The following UNC13C variants were observed in gnomAD, a reference collection of about 807,000 sequenced individuals.
UNC13C encodes the protein protein unc-13 homolog C.
In UNC13C, 174 loss-of-function variants were observed where a neutral mutation model predicts 245.4. That is an observed-to-expected ratio of 0.71 (90% confidence interval 0.63 to 0.80). The LOEUF is 0.80. UNC13C is among the 30% of genes least tolerant of loss of function. The pLI, the probability that UNC13C is intolerant of heterozygous loss-of-function variation, is 0.00. For synonymous variants in UNC13C, 992 were observed against 895.1 expected, an observed-to-expected ratio of 1.11 and a Z score of -1.93; for missense variants, 2,829 against 2,602.9, an observed-to-expected ratio of 1.09 and a Z score of -1.89.
chr15:53,971,273 C>T, the UNC13C span, among the ~76,000 whole-genome samples: 4 of 152,102 alleles, frequency 2.6e-5, no homozygotes, highest in Non-Finnish European at 5.9e-5. Flanking sequence ...TGGATGCTTA[C>T]GTTACACCAT....
At chr15:53,867,150 G>A in the UNC13C span, among the ~76,000 whole-genome samples, 7 of 152,176 alleles carry the variant, frequency 4.6e-5, no homozygotes, top group Admixed American at 3.9e-4. Context: ...AACAATAGAG[G>A]AATTTCCAGT....
chr15:54,152,851 TAGAG>T (rs1026098856), intron 4 of UNC13C, among the ~76,000 whole-genome samples: 61 of 151,762 alleles, frequency 4.0e-4, no homozygotes, highest in African/African-American at 1.3e-3. Context: ...ATAAAAGTCT[TAGAG>T]AGAAAAAAAA....
chr15:54,488,983 G>T (rs1395660121), intron 19 of UNC13C, among the ~76,000 whole-genome samples: 1 of 152,128 alleles, frequency 6.6e-6, no homozygotes, highest in Non-Finnish European at 1.5e-5. Flanking sequence ...CTAAGCAGAA[G>T]ATAATTTGAG....
intron 30 of UNC13C, among the ~76,000 whole-genome samples, chr15:54,606,586 G>A (rs1339964805): frequency 2.6e-5 from 4 of 152,178 alleles, no homozygotes; most frequent in African/African-American, 7.2e-5. Flanking sequence ...AACCACCAGT[G>A]TTTGACGATT....
intron 19 of UNC13C, among the ~76,000 whole-genome samples, chr15:54,437,794 T>C (rs540302700): frequency 6.6e-6 from 1 of 152,050 alleles, no homozygotes; most frequent in African/African-American, 2.4e-5. Flanking sequence ...CCAGTATGGT[T>C]TCTCCTATAC....
intron 20 of UNC13C, among the ~76,000 whole-genome samples, chr15:54,496,246 G>A (rs1893944106): frequency 6.6e-6 from 1 of 151,944 alleles, no homozygotes; most frequent in African/African-American, 2.4e-5. Context: ...TAGTCTTTAT[G>A]TTAAATAAAG....
intron 10 of UNC13C, among the ~76,000 whole-genome samples, chr15:54,269,988 C>T (rs2036643790): frequency 6.6e-6 from 1 of 152,150 alleles, no homozygotes; most frequent in Admixed American, 6.5e-5. Flanking sequence ...TGAAGCTACA[C>T]TTGTAATTCT....
At chr15:54,022,544 T>C (rs904797990) in intron 2 of UNC13C, among the ~76,000 whole-genome samples, 2 of 152,216 alleles carry the variant, frequency 1.3e-5, no homozygotes, top group African/African-American at 2.4e-5. Context: ...TTTACATCTA[T>C]CCTTTTGATA....
At position 54,424,620 on chromosome 15, in the gene UNC13C, C is replaced by T. The variant is rs115827483; in HGVS notation, c.4933+9553C>T. On this transcript the variant is annotated intron_variant, in intron 19 of 32. Transcript: ENST00000260323. ...AACATTCACATGTGTGTTATGCTAT[C>T]AAGAGAATACCTGTAAATGGTTTGT... Among the ~76,000 whole-genome samples the T allele has an allele frequency of 8.8e-3, 1,330 of 151,894 alleles. 27 individuals carry two copies. The highest frequency in any genetic ancestry group is 0.031 in the African/African-American group (1,302 of 41,460).
chr15:53,838,160 G>A, the UNC13C span, among the ~76,000 whole-genome samples: 2 of 151,994 alleles, frequency 1.3e-5, no homozygotes, highest in African/African-American at 4.8e-5. Flanking sequence ...AAATTTATGA[G>A]TCAATTTGGG....
At chr15:53,966,093 G>T in the UNC13C span, among the ~76,000 whole-genome samples, 2 of 152,046 alleles carry the variant, frequency 1.3e-5, no homozygotes, top group Non-Finnish European at 2.9e-5. Flanking sequence ...AAATGTATTT[G>T]TTAAAGAAAT....
intron 1 of UNC13C, among the ~76,000 whole-genome samples, 181 bp from the exon 2 acceptor site, chr15:54,012,467 G>C (rs971369181): frequency 4.6e-5 from 7 of 152,080 alleles, no homozygotes; most frequent in East Asian, 3.9e-4. Flanking sequence ...CATAGTTATT[G>C]GTAGTGATTT....
chr15:53,873,927 C>T, the UNC13C span, among the ~76,000 whole-genome samples: 88 of 88,766 alleles, frequency 9.9e-4, no homozygotes, highest in African/African-American at 5.2e-3. Flanking sequence ...TTCCTTTCTT[C>T]CTTCCTTCCT....
chr15:54,237,316 T>C (rs1405096493), intron 6 of UNC13C, among the ~76,000 whole-genome samples: 1 of 152,160 alleles, frequency 6.6e-6, no homozygotes, highest in Non-Finnish European at 1.5e-5. Context: ...AGAAGCCTCT[T>C]GCTAGCCTGA....
chr15:54,231,951 G>A (rs2035565257), intron 4 of UNC13C, among the ~76,000 whole-genome samples: 1 of 152,082 alleles, frequency 6.6e-6, no homozygotes, highest in Non-Finnish European at 1.5e-5. Context: ...ACTAGTTTGT[G>A]TTACTTAATC....
At chr15:54,189,589 G>T (rs1211229728) in intron 4 of UNC13C, among the ~76,000 whole-genome samples, 1 of 152,028 alleles carries the variant, frequency 6.6e-6, no homozygotes, top group Admixed American at 6.6e-5. Flanking sequence ...TAGATATTTC[G>T]GGAAAATGGA....
chr15:54,299,858 A>G (rs2037530680), intron 12 of UNC13C, among the ~76,000 whole-genome samples: 1 of 152,008 alleles, frequency 6.6e-6, no homozygotes, highest in African/African-American at 2.4e-5. Context: ...AAGTTTGAGA[A>G]CCTGTGCCTT....
chr15:53,940,788 C>T, the UNC13C span, among the ~76,000 whole-genome samples: 4 of 152,074 alleles, frequency 2.6e-5, no homozygotes, highest in Non-Finnish European at 5.9e-5. Context: ...TCAAGAAGAA[C>T]TACAAACCAC....
chr15:54,572,322 A>G lies in UNC13C; in HGVS notation c.6106+4375A>G, dbSNP rs557735630. ...CTAATTAATGAAATACAACTTTTAA[A>G]TGAGTATTATCTGGGAAAAAAATTT... On this transcript the variant is annotated intron_variant, in intron 30 of 32. Transcript: ENST00000260323. Among the ~76,000 whole-genome samples, 32 of 152,252 alleles carry G rather than the reference A, an allele frequency of 2.1e-4. No individual in the cohort carries two copies. The East Asian group carries it at 5.6e-3, about 27-fold the overall frequency.
Sources: allele counts gnomAD v4.1 joint callset (sites outside exome capture counted in the v4.1 genomes callset), GRCh38; gene constraint gnomAD v4.1.1; transcripts MANE v1.5; gene names NCBI Gene and HGNC (gene_info 2026-07-23, HGNC 2026-07-21).